Variants in MYO5B observed in about 807,000 individuals in gnomAD.
MYO5B encodes the protein myosin VB, also known as unconventional myosin-Vb.
MYO5B carries 143 observed loss-of-function variants against 229.3 expected under a neutral mutation model. That is an observed-to-expected ratio of 0.62 (90% confidence interval 0.54 to 0.72). The LOEUF is 0.72. Ranked by LOEUF, MYO5B falls within the 30% of genes least tolerant of loss-of-function variation. The pLI is 0.00. For synonymous variants in MYO5B, 918 were observed against 885.2 expected (o/e 1.04, Z -0.66); for missense variants, 2,321 against 2,331.0 (o/e 1.00, Z 0.09).
At chr18:50,146,299 G>A (rs184358586) in intron 1 of MYO5B, among the ~76,000 whole-genome samples, 7 of 152,360 alleles carry the variant, frequency 4.6e-5, no homozygotes, top group Non-Finnish European at 7.3e-5. Flanking sequence ...CACACAGCCC[G>A]TGAATGGCAG....
At chr18:49,971,487 GA>G (rs2025691607) in intron 10 of MYO5B, among the ~76,000 whole-genome samples, 1 of 152,184 alleles carries the variant, frequency 6.6e-6, no homozygotes, top group Non-Finnish European at 1.5e-5. Context: ...CCCAGATTAA[GA>G]AATGATATCA....
At chr18:50,035,706 C>T (rs2026440884) in intron 4 of MYO5B, among the ~76,000 whole-genome samples, 1 of 152,222 alleles carries the variant, frequency 6.6e-6, no homozygotes, top group Non-Finnish European at 1.5e-5. Context: ...AGTGTATGGT[C>T]TTTCTTTTGG....
At chr18:50,109,410 G>A (rs1170131702) in intron 1 of MYO5B, among the ~76,000 whole-genome samples, 2 of 150,884 alleles carry the variant, frequency 1.3e-5, no homozygotes, top group African/African-American at 4.9e-5. Context: ...CAACTGGTCC[G>A]CTGGTCATGA....
At chr18:50,105,497 C>T (rs147707286) in intron 1 of MYO5B, among the ~76,000 whole-genome samples, 3 of 152,290 alleles carry the variant, frequency 2.0e-5, no homozygotes, top group East Asian at 3.9e-4. Flanking sequence ...CCGCACTCCA[C>T]GACAGTCTCC....
chr18:49,915,315 C>A (rs1860054531), intron 17 of MYO5B, among the ~76,000 whole-genome samples: 1 of 152,222 alleles, frequency 6.6e-6, no homozygotes, highest in African/African-American at 2.4e-5. Flanking sequence ...CAGATCCTGG[C>A]AACTACTAAC....
intron 29 of MYO5B, among the ~76,000 whole-genome samples, chr18:49,857,634 G>A (rs1183414423): frequency 3.3e-5 from 5 of 152,206 alleles, no homozygotes; most frequent in Non-Finnish European, 7.3e-5. Flanking sequence ...GGACTGGGGT[G>A]CGTTACCACT....
intron 1 of MYO5B, among the ~76,000 whole-genome samples, chr18:50,143,486 C>A (rs2032449288): frequency 6.6e-6 from 1 of 152,180 alleles, no homozygotes; most frequent in Non-Finnish European, 1.5e-5. Flanking sequence ...TGTTGAACAG[C>A]ACCGGCTGAC....
chr18:50,079,508 A>G (rs1267905115), intron 1 of MYO5B, among the ~76,000 whole-genome samples: 1 of 152,110 alleles, frequency 6.6e-6, no homozygotes, highest in East Asian at 1.9e-4. Context: ...AAACTCCTCA[A>G]ATTCTCCCCC....
rs753891465 is a variant in MYO5B, at chr18:49,974,593, T to C, written c.1079A>G (p.Asn360Ser). The C allele has an allele frequency of 3.1e-6, 5 of 1,614,002 alleles. No individual in the cohort carries two copies. In the Middle Eastern group the frequency reaches 6.6e-4, roughly 213 times the overall value. ...CTCCACCCCTAGCAGTCGGCAGAAG[T>C]TGCTTAGGTATACATCCTGGGGCTG... ...SISPQDVYLS[N>S]FCRLLGVEHS... Residue 360 changes from asparagine (N) to serine (S), a missense_variant, in exon 10 of 40, where the codon AAC becomes AGC. By Grantham distance (46) the Asn-to-Ser change is conservative. Around this residue, in one of 2 missense-constraint regions of MYO5B, gnomAD observed 2,113 missense variants for 2,044.7 expected, o/e 1.03. Transcript: ENST00000285039.
At chr18:50,103,993 C>A (rs1315693742) in intron 1 of MYO5B, among the ~76,000 whole-genome samples, 1 of 130,168 alleles carries the variant, frequency 7.7e-6, no homozygotes. Flanking sequence ...GAGATCCCAT[C>A]TCCATTAAAA....
At chr18:50,051,589 T>A (rs1568086973) in intron 2 of MYO5B, among the ~76,000 whole-genome samples, 2 of 152,144 alleles carry the variant, frequency 1.3e-5, no homozygotes, top group Non-Finnish European at 2.9e-5. Flanking sequence ...AAGTTTTGCA[T>A]CCCCTGAAAG....
rs148394889 is a variant in MYO5B, at chr18:50,055,904, T to C, written c.28-526A>G. 2.4e-3 allele frequency among the ~76,000 whole-genome samples: 358 copies of C among 152,314 alleles called. 1 individual carries two copies. The highest frequency in any genetic ancestry group is 7.9e-3 in the African/African-American group (330 of 41,578). On this transcript the variant is annotated intron_variant, in intron 1 of 39. Coordinates refer to ENST00000285039, the MANE Select transcript of MYO5B (RefSeq NM_001080467.3). Reference sequence around the variant, plus strand: ...TAAGTATCCTCAAGTTGTCAGCCACTTGAATTTATCTGTCCACTCTTTTTC... The same window carrying C: ...TAAGTATCCTCAAGTTGTCAGCCACCTGAATTTATCTGTCCACTCTTTTTC...
chr18:49,900,266 A>T (rs2024826800), intron 21 of MYO5B, among the ~76,000 whole-genome samples: 1 of 152,236 alleles, frequency 6.6e-6, no homozygotes. Flanking sequence ...TCAAAGGGCC[A>T]GTGCCAGACA....
chr18:49,989,102 C>T (rs1021581551), intron 7 of MYO5B, among the ~76,000 whole-genome samples: 1 of 152,148 alleles, frequency 6.6e-6, no homozygotes, highest in African/African-American at 2.4e-5. Context: ...CAGGGTAGGA[C>T]CCACAACTAT....
At chr18:49,832,418 T>G (rs1363064111) in intron 39 of MYO5B, among the ~76,000 whole-genome samples, 1 of 152,250 alleles carries the variant, frequency 6.6e-6, no homozygotes, top group African/African-American at 2.4e-5. Flanking sequence ...GAAGCTGTAC[T>G]TTTACAAAAG....
intron 14 of MYO5B, among the ~76,000 whole-genome samples, chr18:49,943,918 T>C (rs796710578): frequency 2.8e-4 from 43 of 152,038 alleles, no homozygotes; most frequent in African/African-American, 8.0e-4. Context: ...CTGTAGGACA[T>C]TGGATGGGGA....
At chr18:50,082,010 AATATG>A (rs1293748834) in intron 1 of MYO5B, among the ~76,000 whole-genome samples, 10 of 152,270 alleles carry the variant, frequency 6.6e-5, no homozygotes, top group Non-Finnish European at 1.2e-4. Flanking sequence ...CTATAAAAGA[AATATG>A]ATATATTAGT....
intron 22 of MYO5B, among the ~76,000 whole-genome samples, chr18:49,892,369 C>A (rs2024725637): frequency 6.6e-6 from 1 of 152,142 alleles, no homozygotes; most frequent in Non-Finnish European, 1.5e-5. Context: ...GACTTGGCCT[C>A]CCACAGGCCA....
intron 3 of MYO5B, 122 bp from the exon 4 acceptor site, chr18:50,037,116 G>T: frequency 9.6e-7 from 1 of 1,038,732 alleles, no homozygotes; most frequent in Non-Finnish European, 1.5e-6. Flanking sequence ...AGCAGAACCA[G>T]TCTTAACCAA....
Sources: allele counts gnomAD v4.1 joint callset (sites outside exome capture counted in the v4.1 genomes callset), GRCh38; gene constraint gnomAD v4.1.1; regional missense constraint gnomAD v4.1.1; transcripts MANE v1.5; gene names NCBI Gene and HGNC (gene_info 2026-07-23, HGNC 2026-07-21).